Variants in RFC1 observed in about 807,000 individuals in gnomAD.
RFC1 encodes replication factor C subunit 1.
Under a neutral mutation model 137.4 loss-of-function variants are expected in RFC1, and 37 were observed. The ratio of observed to expected loss-of-function variants is 0.27; its 90% CI spans 0.21 to 0.35. RFC1 has a LOEUF of 0.35. RFC1 is among the 10% of genes least tolerant of loss of function. The pLI, the probability that RFC1 is intolerant of heterozygous loss-of-function variation, is 1.00. For synonymous variants in RFC1, 429 were observed against 455.7 expected (o/e 0.94, Z 0.75); for missense variants, 1,205 against 1,358.5 (o/e 0.89, Z 1.78).
intron 6 of RFC1, among the ~76,000 whole-genome samples, chr4:39,325,968 G>GT (rs1230531885): frequency 6.6e-6 from 1 of 152,146 alleles, no homozygotes; most frequent in Non-Finnish European, 1.5e-5. Flanking sequence ...GCTCACACCT[G>GT]TAATCCCAAC....
In RFC1 at chr4:39,354,749, CAAAAAAAAAAAA is replaced by C. The variant is rs34342477; in HGVS notation, c.4-3285_4-3274del. Among the ~76,000 whole-genome samples the C allele has an allele frequency of 5.5e-3, 281 of 51,042 alleles. 1 individual carries two copies. Among genetic ancestry groups the C allele is most frequent in the African/African-American group, 0.02 (264 of 13,280 alleles). 33.5% of individuals were successfully genotyped at this position (51,042 alleles called of 152,430 possible). ...CCTGGACAACATAGTGAAACTATCT[CAAAAAAAAAAAA>C]AAAAAAAAAAAAGCAACTAACTTAA... On this transcript the variant is annotated intron_variant, in intron 1 of 24. Coordinates refer to ENST00000349703, the MANE Select transcript of RFC1 (RefSeq NM_002913.5).
At chr4:39,322,561 G>C (rs948668752) in intron 7 of RFC1, among the ~76,000 whole-genome samples, 1 of 152,096 alleles carries the variant, frequency 6.6e-6, no homozygotes, top group African/African-American at 2.4e-5. Flanking sequence ...TGTTCCAAAA[G>C]AATTTTTATG....
intron 1 of RFC1, among the ~76,000 whole-genome samples, chr4:39,365,176 A>AAAAG (rs1741962705): frequency 1.3e-5 from 2 of 148,576 alleles, no homozygotes; most frequent in African/African-American, 2.5e-5. Flanking sequence ...AAAAAAAAAA[A>AAAAG]CCATGGAAAA....
chr4:39,310,423 A>G (rs760700074), intron 12 of RFC1, among the ~76,000 whole-genome samples: 8 of 152,248 alleles, frequency 5.3e-5, no homozygotes, highest in Non-Finnish European at 8.8e-5. Flanking sequence ...ATGGTTATGT[A>G]ATCGAAATCA....
At position 39,329,127 on chromosome 4, in the gene RFC1, C is replaced by CAAAAAAAA. The variant is rs71594924; in HGVS notation, c.332-1379_332-1372dup. ...TAAATTTGTTTGCTTCAGTGACTCACAAAAAAAAAAAAAAAAAAAAAAAAA... is the reference window on the plus strand; with the variant it reads ...TAAATTTGTTTGCTTCAGTGACTCACAAAAAAAAAAAAAAAAAAAAAAAAAAAAAAAAA... On this transcript the variant is annotated intron_variant, in intron 4 of 24. Transcript: ENST00000349703. 5.0e-3 allele frequency among the ~76,000 whole-genome samples: 157 copies of CAAAAAAAA among 31,656 alleles called. 38 individuals are homozygous for CAAAAAAAA. Among genetic ancestry groups the CAAAAAAAA allele is most frequent in the South Asian group, 0.034 (12 of 352 alleles). 20.8% of individuals were successfully genotyped at this position (31,656 alleles called of 152,430 possible).
In RFC1 at chr4:39,302,358, T is replaced by C; in HGVS notation, c.2455A>G (p.Met819Val). The change falls in exon 19 of 25, where the codon ATG (methionine) becomes GTG (valine). Residue 819 changes from methionine to valine, a missense_variant. Met to Val is a conservative substitution (Grantham distance 21, BLOSUM62 1). This residue lies in a region of RFC1 where 962 missense variants were observed against 1,035.3 expected (regional missense o/e 0.93). Coordinates refer to ENST00000349703, the MANE Select transcript of RFC1 (RefSeq NM_002913.5). ...AATGCTTTACTTCGTGCACACCACA[T>C]ACTCAGATTATGTAAAACCTAAAAG... ...DIRQVLHNLS[M>V]WCARSKALTY... 1 of 1,612,708 alleles carries C rather than the reference T, an allele frequency of 6.2e-7. No homozygotes were observed. Among genetic ancestry groups the C allele is most frequent in the Non-Finnish European group, 8.5e-7 (1 of 1,178,714 alleles).
chr4:39,316,575 C>A (rs549345526), intron 10 of RFC1, among the ~76,000 whole-genome samples: 2 of 152,150 alleles, frequency 1.3e-5, no homozygotes, highest in Non-Finnish European at 2.9e-5. Context: ...AGATTTTTCC[C>A]TCATAGCACA....
At chr4:39,294,544 ACCTT>A (rs1737869847) in intron 22 of RFC1, among the ~76,000 whole-genome samples, 1 of 152,010 alleles carries the variant, frequency 6.6e-6, no homozygotes, top group South Asian at 2.1e-4. Context: ...GGTGGCATGC[ACCTT>A]AGTCCCAACT....
intron 19 of RFC1, among the ~76,000 whole-genome samples, chr4:39,301,755 G>C (rs1280834551): frequency 6.6e-6 from 1 of 152,190 alleles, no homozygotes; most frequent in African/African-American, 2.4e-5. Context: ...AGACCAGTCG[G>C]GGAAACATAG....
chr4:39,320,407 G>A lies in RFC1; in HGVS notation c.1071C>T (p.Thr357=). Residue 357 remains threonine (T), a synonymous_variant, in exon 9 of 25, where the codon ACC becomes ACT. Coordinates refer to ENST00000349703, the MANE Select transcript of RFC1 (RefSeq NM_002913.5). ...LKGETKTPKK[T]KSSPAKKESV... ...CCTCTTTTTTAGCTGGAGAACTTTT[G>A]GTTTTCTTAGGAGTTTTTGTCTCTC... 6.5e-7 allele frequency: 1 copy of A among 1,537,672 alleles called. No homozygotes were observed. Among genetic ancestry groups the A allele is most frequent in the Non-Finnish European group, 8.7e-7 (1 of 1,151,682 alleles).
At chr4:39,324,848 A>G (rs922606928) in intron 6 of RFC1, among the ~76,000 whole-genome samples, 2 of 152,222 alleles carry the variant, frequency 1.3e-5, no homozygotes, top group Non-Finnish European at 2.9e-5. Flanking sequence ...GGTTTCTAAT[A>G]TAGTTGAGGT....
intron 4 of RFC1, 81 bp downstream of exon 4, chr4:39,342,253 CCATTCAAAGTG>C: frequency 7.2e-7 from 1 of 1,384,720 alleles, no homozygotes; most frequent in South Asian, 1.4e-5. Flanking sequence ...AGTAGAAATT[CCATTCAAAGTG>C]AAGGAGGTAC....
intron 1 of RFC1, among the ~76,000 whole-genome samples, 178 bp downstream of exon 1, chr4:39,366,061 G>A (rs1302245965): frequency 1.3e-5 from 2 of 152,182 alleles, no homozygotes; most frequent in Non-Finnish European, 2.9e-5. Context: ...CAGAGCCCGC[G>A]ATGCAATGAA....
intron 4 of RFC1, among the ~76,000 whole-genome samples, chr4:39,331,808 TAAC>T (rs975382144): frequency 6.6e-6 from 1 of 152,168 alleles, no homozygotes; most frequent in Non-Finnish European, 1.5e-5. Flanking sequence ...AATAAAACAT[TAAC>T]AATTTTTATC....
Position 39,312,908 on chromosome 4 carries a change from G to A in RFC1, c.1227C>T (p.Gly409=), listed in dbSNP as rs775488724. The A allele has an allele frequency of 2.5e-6, 4 of 1,611,720 alleles. No homozygotes were observed. The highest frequency in any genetic ancestry group is 1.7e-6 in the Non-Finnish European group (2 of 1,178,620). The change falls in exon 11 of 25, where the codon GGC becomes GGT. Residue 409 remains glycine, a synonymous_variant. Coordinates refer to ENST00000349703, the MANE Select transcript of RFC1 (RefSeq NM_002913.5). ...GCACGCCTGTGATTACAAATATAAG[G>A]CCTTCCAAGCAATTTTCAGCTCCCT... ...IPKGAENCLE[G]LIFVITGVLE... is the part of the protein sequence containing the mutation.
At chr4:39,300,578 C>A (rs1400773053) in intron 19 of RFC1, among the ~76,000 whole-genome samples, 164 bp from the exon 20 acceptor site, 1 of 152,154 alleles carries the variant, frequency 6.6e-6, no homozygotes, top group Non-Finnish European at 1.5e-5. Flanking sequence ...CATACTCTTA[C>A]CACGCGATCC....
At chr4:39,315,394 T>C (rs1044507394) in intron 10 of RFC1, among the ~76,000 whole-genome samples, 1 of 152,268 alleles carries the variant, frequency 6.6e-6, no homozygotes, top group Admixed American at 6.5e-5. Context: ...CACCCTCTTC[T>C]ACTTCACAAA....
At chr4:39,291,955 C>T (rs1232516796) in intron 22 of RFC1, 103 bp from the exon 23 acceptor site, 2 of 826,430 alleles carry the variant, frequency 2.4e-6, no homozygotes, top group African/African-American at 3.4e-5. Context: ...AATCCAATTT[C>T]AATAATGCTG....
At chr4:39,348,077 G>T (rs1578163120) in intron 2 of RFC1, among the ~76,000 whole-genome samples, 6 of 152,060 alleles carry the variant, frequency 3.9e-5, no homozygotes, top group African/African-American at 1.4e-4. Context: ...AGCCAAAAGG[G>T]ACCAGAACTT....
Sources: allele counts gnomAD v4.1 joint callset (sites outside exome capture counted in the v4.1 genomes callset), GRCh38; gene constraint gnomAD v4.1.1; regional missense constraint gnomAD v4.1.1; transcripts MANE v1.5; gene names NCBI Gene and HGNC (gene_info 2026-07-23, HGNC 2026-07-21).